The following MTMR9 variants were observed in gnomAD, a reference collection of about 807,000 sequenced individuals.
MTMR9 encodes myotubularin related protein 9.
MTMR9 carries 39 observed loss-of-function variants against 69.5 expected under a neutral mutation model. The ratio of observed to expected loss-of-function variants is 0.56; its 90% confidence interval spans 0.43 to 0.73. MTMR9 has a LOEUF of 0.73. MTMR9 is among the 30% of genes least tolerant of loss of function. The pLI is 0.00. For missense variants in MTMR9, 900 were observed against 671.2 expected, an observed-to-expected ratio of 1.34 and a Z score of -3.77; for synonymous variants, 354 against 240.8, an observed-to-expected ratio of 1.47 and a Z score of -4.35.
In MTMR9 at chr8:11,316,683, C is replaced by T; in HGVS notation, c.1124C>T (p.Pro375Leu). The T allele has an allele frequency of 1.9e-6, 3 of 1,601,720 alleles. No homozygotes were observed. The highest frequency in any genetic ancestry group is 2.6e-6 in the Non-Finnish European group (3 of 1,174,718). Residue 375 changes from proline (P) to leucine (L), a missense_variant, in exon 8 of 10, where the codon CCA becomes CTA. By Grantham distance (98) the Pro-to-Leu change is moderately conservative. Coordinates refer to ENST00000221086, the MANE Select transcript of MTMR9 (RefSeq NM_015458.4). The part of the protein sequence containing the change: ...IEREWLQAGH[P>L]FQQRCAQSAY... Reference sequence around the variant, plus strand: ...CCATCTTCCCCCTAGGCTGGTCACCCATTCCAGCAGCGCTGTGCACAGTCA... The same window carrying T: ...CCATCTTCCCCCTAGGCTGGTCACCTATTCCAGCAGCGCTGTGCACAGTCA...
intron 9 of MTMR9, chr8:11,321,605 G>C (rs764063457): frequency 4.8e-6 from 2 of 418,978 alleles, no homozygotes; most frequent in Non-Finnish European, 9.7e-6. Context: ...CTAGAGCTGG[G>C]AGAAGAAGAA....
chr8:11,306,465 G>A (rs1420954511), intron 5 of MTMR9, 58 bp downstream of exon 5: 2 of 1,468,228 alleles, frequency 1.4e-6, no homozygotes, highest in Non-Finnish European at 1.9e-6. Context: ...AGTGGGTAAG[G>A]CCTTAGCCAT....
intron 6 of MTMR9, among the ~76,000 whole-genome samples, chr8:11,313,618 T>C (rs1305144249): frequency 1.3e-5 from 2 of 152,220 alleles, no homozygotes; most frequent in Non-Finnish European, 2.9e-5. Flanking sequence ...TTGGCTGGCC[T>C]AATGTCAATA....
In MTMR9 at chr8:11,324,161, C is replaced by A. The variant is rs1235930103; in HGVS notation, c.*1373C>A. On this transcript the variant is annotated 3_prime_UTR_variant, in exon 10 of 10. Transcript: ENST00000221086. ...CGGTAGAGAACACACTACACTGAAC[C>A]CTGCTTTAGAGCTGTGTGTTGAGCT... 6.6e-6 allele frequency: 1 copy of A among 152,090 alleles called. No homozygotes were observed. Among genetic ancestry groups the A allele is most frequent in the Non-Finnish European group, 1.5e-5 (1 of 68,010 alleles). The allele number at this position is 152,090 out of a possible 1,614,324, so 9.4% of individuals were successfully genotyped here.
intron 2 of MTMR9, among the ~76,000 whole-genome samples, chr8:11,298,484 A>G (rs1205177326): frequency 1.3e-5 from 2 of 152,080 alleles, no homozygotes; most frequent in East Asian, 1.9e-4. Context: ...TTATAGATGG[A>G]TAGAAAAATA....
At chr8:11,300,660 GTAAGT>G (rs1224167808) in intron 3 of MTMR9, 1 of 152,214 alleles carries the variant, frequency 6.6e-6, no homozygotes, top group Non-Finnish European at 1.5e-5. Flanking sequence ...ACTAGAATAA[GTAAGT>G]TTAGCAAAGT....
intron 1 of MTMR9, among the ~76,000 whole-genome samples, chr8:11,287,785 A>G (rs1280104168): frequency 1.7e-5 from 2 of 116,514 alleles, no homozygotes; most frequent in Non-Finnish European, 1.6e-5. Flanking sequence ...TTTATTATAT[A>G]TTATATATAA....
Position 11,306,261 on chromosome 8 carries a change from A to C in MTMR9, c.663A>C (p.Ile221=). The change falls in exon 5 of 10, where the codon ATA becomes ATC. Residue 221 remains isoleucine, a synonymous_variant. Transcript: ENST00000221086. ...GGTGCAAGGAGGACGAGAAGCTGAT[A>C]AATGCTACCCTCAGGGCTGGAAAGC... ...GRRCKEDEKL[I]NATLRAGKRG... The C allele has an allele frequency of 6.2e-7, 1 of 1,614,034 alleles. No individual in the cohort carries two copies. Among genetic ancestry groups the C allele is most frequent in the Non-Finnish European group, 8.5e-7 (1 of 1,179,960 alleles).
At chr8:11,294,416 T>G (rs902183056) in intron 1 of MTMR9, among the ~76,000 whole-genome samples, 14 of 152,168 alleles carry the variant, frequency 9.2e-5, no homozygotes, top group East Asian at 5.8e-4. Flanking sequence ...GGAAGTTCCC[T>G]TCTGTTTCAA....
chr8:11,284,836 T>C lies in MTMR9; in HGVS notation c.-53T>C. 6.9e-7 allele frequency: 1 copy of C among 1,440,634 alleles called. No homozygotes were observed. The highest frequency in any genetic ancestry group is 9.2e-7 in the Non-Finnish European group (1 of 1,083,970). 89.2% of individuals were successfully genotyped at this position (1,440,634 alleles called of 1,614,324 possible). On this transcript the variant is annotated 5_prime_UTR_variant, in exon 1 of 10. Coordinates refer to ENST00000221086, the MANE Select transcript of MTMR9 (RefSeq NM_015458.4). Reference sequence around the variant, plus strand: ...TTTCCGCTACTTCCCTGCGGCGGGGTAACCGCCTCGCACCTACCGGGCTCG... The same window carrying C: ...TTTCCGCTACTTCCCTGCGGCGGGGCAACCGCCTCGCACCTACCGGGCTCG...
intron 2 of MTMR9, chr8:11,298,888 AT>A (rs1440659282): frequency 1.0e-6 from 1 of 985,032 alleles, no homozygotes; most frequent in African/African-American, 1.7e-5. Flanking sequence ...ATATAGGCCC[AT>A]TTGGGGCTGA....
intron 5 of MTMR9, among the ~76,000 whole-genome samples, chr8:11,308,970 T>C (rs962347837): frequency 3.9e-5 from 6 of 152,224 alleles, no homozygotes; most frequent in South Asian, 2.1e-4. Context: ...CATATACTTA[T>C]ATTTTCCTAA....
chr8:11,337,952 A>C, the MTMR9 span, among the ~76,000 whole-genome samples: 1 of 152,216 alleles, frequency 6.6e-6, no homozygotes, highest in Non-Finnish European at 1.5e-5. Flanking sequence ...TCAAATCTCA[A>C]CATGGTTCCT....
intron 2 of MTMR9, chr8:11,298,935 C>T (rs149363011): frequency 1.1e-6 from 1 of 918,278 alleles, no homozygotes; most frequent in Non-Finnish European, 1.3e-6. Context: ...TGGATCCCTG[C>T]AGCATGAAAA....
At chr8:11,328,911 T>C (rs1003500921), downstream of MTMR9, among the ~76,000 whole-genome samples, 4 of 152,250 alleles carry the variant, frequency 2.6e-5, no homozygotes, top group African/African-American at 7.2e-5. Context: ...TTTTATAGTT[T>C]AAAATCTTAC....
intron 9 of MTMR9, chr8:11,320,801 C>G (rs1416663274): frequency 4.6e-5 from 7 of 152,178 alleles, no homozygotes; most frequent in Non-Finnish European, 1.0e-4. Context: ...TAAACAAAGC[C>G]TCTAAAATAC....
the MTMR9 span, among the ~76,000 whole-genome samples, chr8:11,338,240 G>T: frequency 6.6e-6 from 1 of 152,240 alleles, no homozygotes; most frequent in Non-Finnish European, 1.5e-5. Context: ...TGAGTCAAAA[G>T]GCACGTGGAG....
rs749737827 is a variant in MTMR9 at position 11,319,848 on chromosome 8, G to T, written c.1486+10G>T. On this transcript the variant is annotated intron_variant, in intron 9 of 9. Transcript: ENST00000221086. ...CTTCCACTGTGGGAAGGTAAACCAC[G>T]CATCCTTTGCAAACTTCTTAACGGT... 6.2e-7 allele frequency: 1 copy of T among 1,613,412 alleles called. No homozygotes were observed. Among genetic ancestry groups the T allele is most frequent in the Non-Finnish European group, 8.5e-7 (1 of 1,179,656 alleles).
In MTMR9 at chr8:11,314,888, T is replaced by A. The variant is rs376436120; in HGVS notation, c.972-35T>A. ...AGAGTTCATTGACCATGTTGGACAT[T>A]TCCCATTTGTACTCTTCCCTGATTT... On this transcript the variant is annotated intron_variant, in intron 6 of 9. Coordinates refer to ENST00000221086, the MANE Select transcript of MTMR9 (RefSeq NM_015458.4). 7 of 1,603,566 alleles carry A rather than the reference T, an allele frequency of 4.4e-6. No individual in the cohort carries two copies. The African/African-American group carries it at 9.4e-5, about 21-fold the overall frequency.
Sources: gnomAD v4.1 joint callset for allele counts (sites outside exome capture counted in the v4.1 genomes callset) on GRCh38, gnomAD v4.1.1 for gene constraint, MANE v1.5 for transcripts, NCBI Gene and HGNC (gene_info 2026-07-23, HGNC 2026-07-21) for gene names.